Variants in MTFR1 observed in about 807,000 individuals in gnomAD.
The protein encoded by MTFR1 is mitochondrial fission regulator 1.
In MTFR1, 28 loss-of-function variants were observed where a neutral mutation model predicts 38.8. The ratio of observed to expected loss-of-function variants is 0.72; its 90% CI spans 0.53 to 0.99. The LOEUF (loss-of-function observed/expected upper bound fraction) is 0.99, where lower values mean the gene tolerates loss of function less well. MTFR1 is among the 50% of genes least tolerant of loss of function. MTFR1 has a pLI of 0.00. For synonymous variants in MTFR1, 145 were observed against 137.0 expected (o/e 1.06, Z -0.41); for missense variants, 358 against 395.5 (o/e 0.91, Z 0.81).
downstream of MTFR1, among the ~76,000 whole-genome samples, chr8:65,711,168 C>T (rs546821819): frequency 1.3e-5 from 2 of 152,288 alleles, no homozygotes; most frequent in Admixed American, 1.3e-4. Flanking sequence ...GTCCCTGGCA[C>T]CTGTAAAAGG....
chr8:65,708,886 C>A, intron 7 of MTFR1, 90 bp from the exon 8 acceptor site: 1 of 1,292,712 alleles, frequency 7.7e-7, no homozygotes, highest in Non-Finnish European at 1.1e-6. Flanking sequence ...AGAACATACC[C>A]AGCCCTCTAA....
intron 2 of MTFR1, among the ~76,000 whole-genome samples, chr8:65,673,667 G>A (rs1804629368): frequency 6.6e-6 from 1 of 151,952 alleles, no homozygotes. Context: ...ACTTTGGGAG[G>A]CCGAGGCGGG....
intron 5 of MTFR1, 29 bp downstream of exon 5, chr8:65,704,958 A>C (rs1805738584): frequency 6.6e-7 from 1 of 1,511,110 alleles, no homozygotes. Context: ...TGTTAGTTTT[A>C]ACTTGCAAAC....
chr8:65,740,697 G>A (rs1229532873), intron 3 of MTFR1, among the ~76,000 whole-genome samples: 2 of 152,120 alleles, frequency 1.3e-5, no homozygotes, highest in South Asian at 2.1e-4. Flanking sequence ...TACCACGCCT[G>A]GCCAAGTTTC....
At chr8:65,754,947 G>C (rs928724438) in intron 3 of MTFR1, among the ~76,000 whole-genome samples, 4 of 150,502 alleles carry the variant, frequency 2.7e-5, no homozygotes, top group African/African-American at 9.7e-5. Context: ...CCTGGCGACA[G>C]AGCGAGACTC....
chr8:65,696,697 G>A (rs928704073), intron 4 of MTFR1, among the ~76,000 whole-genome samples: 1 of 151,906 alleles, frequency 6.6e-6, no homozygotes, highest in Non-Finnish European at 1.5e-5. Context: ...GTCTCACTCT[G>A]TCACCCAGGC....
intron 4 of MTFR1, among the ~76,000 whole-genome samples, chr8:65,697,680 C>T (rs1369063988): frequency 6.6e-6 from 1 of 152,152 alleles, no homozygotes; most frequent in East Asian, 1.9e-4. Flanking sequence ...ATAGTAGTTA[C>T]TTAGTTTTTC....
intron 1 of MTFR1, among the ~76,000 whole-genome samples, chr8:65,658,402 G>A (rs772991854): frequency 1.3e-5 from 2 of 152,024 alleles, no homozygotes; most frequent in African/African-American, 2.4e-5. Context: ...AATTTTAGTC[G>A]AGCTACATAC....
chr8:65,739,671 G>C, intron 3 of MTFR1: 1 of 1,282,670 alleles, frequency 7.8e-7, no homozygotes, highest in East Asian at 3.0e-5. Flanking sequence ...TTGAAATACA[G>C]ATTTTGAATA....
chr8:65,648,846 CAG>C (rs1257878366), intron 1 of MTFR1, among the ~76,000 whole-genome samples: 1 of 151,864 alleles, frequency 6.6e-6, no homozygotes, highest in Admixed American at 6.6e-5. Flanking sequence ...TTTTTAGGGA[CAG>C]AGTCTTTCTT....
intron 3 of MTFR1, among the ~76,000 whole-genome samples, chr8:65,690,078 A>C (rs1482005353): frequency 6.6e-6 from 1 of 152,124 alleles, no homozygotes; most frequent in Non-Finnish European, 1.5e-5. Flanking sequence ...TGTTTTTTTA[A>C]AGTTTGTGCA....
At chr8:65,675,556 G>A (rs1324774613) in intron 2 of MTFR1, among the ~76,000 whole-genome samples, 2 of 152,042 alleles carry the variant, frequency 1.3e-5, no homozygotes, top group African/African-American at 4.8e-5. Flanking sequence ...CCAAGATCAC[G>A]CCACTGCACT....
At chr8:65,693,612 G>A (rs754368427) in intron 3 of MTFR1, 32 bp from the exon 4 acceptor site, 102 of 1,583,298 alleles carry the variant, frequency 6.4e-5, no homozygotes, top group Non-Finnish European at 7.9e-5. Flanking sequence ...TGCCATCTTT[G>A]GTGAAGAACT....
downstream of MTFR1, among the ~76,000 whole-genome samples, chr8:65,715,215 A>G (rs1011258180): frequency 1.3e-5 from 2 of 152,082 alleles, no homozygotes; most frequent in African/African-American, 2.4e-5. Context: ...TTAGAAAAAA[A>G]TATTCCAGTA....
intron 3 of MTFR1, among the ~76,000 whole-genome samples, chr8:65,762,365 G>A (rs1403448977): frequency 3.9e-5 from 6 of 152,112 alleles, no homozygotes; most frequent in Non-Finnish European, 8.8e-5. Flanking sequence ...GAATGAATAG[G>A]GGAAAATCAG....
At chr8:65,694,233 C>T (rs1424100360) in intron 4 of MTFR1, among the ~76,000 whole-genome samples, 1 of 152,028 alleles carries the variant, frequency 6.6e-6, no homozygotes, top group African/African-American at 2.4e-5. Flanking sequence ...CACCACCACA[C>T]CCAGCTAATT....
rs1054441860 is a variant in MTFR1 at position 65,661,994 on chromosome 8, G to GCCCTCT, written c.-80-7865_-80-7860dup. Among the ~76,000 whole-genome samples, 8 of 143,738 alleles carry GCCCTCT rather than the reference G, an allele frequency of 5.6e-5. No individual in the cohort carries two copies. In the East Asian group the frequency reaches 9.8e-4, roughly 18 times the overall value. The allele number at this position is 143,738 out of a possible 152,430, so 94.3% of individuals were successfully genotyped here. On this transcript the variant is annotated intron_variant, in intron 1 of 7. Transcript: ENST00000262146. ...AAACAAACAAACAAAAAGAGCAAAA[G>GCCCTCT]CCCTCTCCCTCTCCCTCTCTCTCTC...
At chr8:65,656,719 T>G (rs1809280440) in intron 1 of MTFR1, among the ~76,000 whole-genome samples, 1 of 151,974 alleles carries the variant, frequency 6.6e-6, no homozygotes, top group Admixed American at 6.6e-5. Context: ...CAGGCTGGTC[T>G]CAAACTCCTG....
intron 3 of MTFR1, chr8:65,727,480 C>T (rs1037952360): frequency 1.4e-6 from 1 of 726,066 alleles, no homozygotes; most frequent in Non-Finnish European, 2.1e-6. Flanking sequence ...CTGATCTCAT[C>T]ACCACACTGG....
Sources: allele counts gnomAD v4.1 joint callset (sites outside exome capture counted in the v4.1 genomes callset), GRCh38; gene constraint gnomAD v4.1.1; transcripts MANE v1.5; gene names NCBI Gene and HGNC (gene_info 2026-07-23, HGNC 2026-07-21).